Variants in PRSS3 observed in about 807,000 individuals in gnomAD.
PRSS3 encodes the protein trypsin-3.
PRSS3 carries 14 observed loss-of-function variants against 20.8 expected under a neutral mutation model. That is an observed-to-expected ratio of 0.67 (90% CI 0.44 to 1.05). PRSS3 has a LOEUF of 1.05. PRSS3 is among the 50% of genes least tolerant of loss of function. The pLI, the probability that PRSS3 is intolerant of heterozygous loss-of-function variation, is 0.00. For synonymous variants in PRSS3, 91 were observed against 117.6 expected, an observed-to-expected ratio of 0.77 and a Z score of 1.46; for missense variants, 237 against 306.4, an observed-to-expected ratio of 0.77 and a Z score of 1.69.
At chr9:33,761,997 A>G (rs774280603) in intron 1 of PRSS3, 1 of 152,220 alleles carries the variant, frequency 6.6e-6, no homozygotes, top group Non-Finnish European at 1.5e-5. Context: ...CTACTAGATT[A>G]TAAACTCCTT....
chr9:33,754,325 C>T (rs767281303), intron 1 of PRSS3, among the ~76,000 whole-genome samples: 3 of 151,840 alleles, frequency 2.0e-5, no homozygotes, highest in Non-Finnish European at 4.4e-5. Flanking sequence ...CCCCCTCGGC[C>T]TCCCAAAGTG....
At chr9:33,795,788 T>G (rs855579) in intron 1 of PRSS3, among the ~76,000 whole-genome samples, 175 bp downstream of exon 1, 23,251 of 151,766 alleles carry the variant, frequency 0.15, 708 homozygotes, top group South Asian at 0.3. Context: ...TGTTTCACCT[T>G]TTCCCTCATT....
chr9:33,774,414 G>C (rs1002687456), intron 1 of PRSS3, among the ~76,000 whole-genome samples: 11 of 152,158 alleles, frequency 7.2e-5, no homozygotes, highest in African/African-American at 2.4e-4. Flanking sequence ...AATTTTAGAC[G>C]AGGTGAAAGG....
chr9:33,778,627 T>C (rs1368319625), intron 1 of PRSS3, among the ~76,000 whole-genome samples: 1 of 152,150 alleles, frequency 6.6e-6, no homozygotes, highest in Admixed American at 6.5e-5. Flanking sequence ...ATGCAAGACT[T>C]GTATACAGAA....
intron 1 of PRSS3, among the ~76,000 whole-genome samples, chr9:33,770,773 ATTGT>A (rs1823650925): frequency 6.6e-6 from 1 of 152,232 alleles, no homozygotes; most frequent in East Asian, 1.9e-4. Context: ...AATGTAAATG[ATTGT>A]TTAATCTGCC....
intron 1 of PRSS3, among the ~76,000 whole-genome samples, chr9:33,762,858 G>A (rs745938579): frequency 4.6e-5 from 7 of 152,098 alleles, no homozygotes; most frequent in Admixed American, 2.0e-4. Context: ...CTATTATTGC[G>A]GGAATAGTGT....
At position 33,798,628 on chromosome 9, in the gene PRSS3, T is replaced by A. The variant is rs755624548; in HGVS notation, c.591+6T>A. 4 of 1,613,706 alleles carry A rather than the reference T, an allele frequency of 2.5e-6. No homozygotes were observed. In the East Asian group the frequency reaches 6.7e-5, roughly 27 times the overall value. On this transcript the variant is annotated splice_donor_region_variant and intron_variant, in intron 4 of 4. Transcript: ENST00000379405. ...GAGGCAAGGATTCCTGCCAGGTGAT[T>A]TGACCCTTTCCCATGCTGAGGCTCC...
chr9:33,766,471 G>A (rs1394903798), intron 1 of PRSS3, among the ~76,000 whole-genome samples: 1 of 152,090 alleles, frequency 6.6e-6, no homozygotes, highest in African/African-American at 2.4e-5. Flanking sequence ...TACTCGGGAG[G>A]CTGAGGCAGG....
At chr9:33,755,137 AG>A (rs1262866490) in intron 1 of PRSS3, among the ~76,000 whole-genome samples, 1 of 152,196 alleles carries the variant, frequency 6.6e-6, no homozygotes, top group Non-Finnish European at 1.5e-5. Flanking sequence ...AGGTCATCTG[AG>A]GGCAGGTGGT....
chr9:33,762,828 G>A (rs1011845127), intron 1 of PRSS3, among the ~76,000 whole-genome samples: 1 of 152,184 alleles, frequency 6.6e-6, no homozygotes, highest in African/African-American at 2.4e-5. Flanking sequence ...TCTTCCAGGA[G>A]AGAAGCCCAA....
At chr9:33,755,721 G>A (rs1368787135) in intron 1 of PRSS3, among the ~76,000 whole-genome samples, 1 of 152,084 alleles carries the variant, frequency 6.6e-6, no homozygotes, top group African/African-American at 2.4e-5. Flanking sequence ...TTCTTTAGTT[G>A]TTTGTTTGAG....
intron 1 of PRSS3, among the ~76,000 whole-genome samples, chr9:33,787,429 T>A (rs746424668): frequency 2.6e-5 from 4 of 152,204 alleles, no homozygotes; most frequent in Non-Finnish European, 5.9e-5. Context: ...GTTTGGGGCA[T>A]GTTGAAATAT....
chr9:33,772,529 CA>C (rs1477910174), intron 1 of PRSS3, among the ~76,000 whole-genome samples: 1 of 152,150 alleles, frequency 6.6e-6, no homozygotes, highest in Non-Finnish European at 1.5e-5. Flanking sequence ...TTTAATGATA[CA>C]AAGAATTTTA....
At chr9:33,756,020 TAC>T (rs1822928446) in intron 1 of PRSS3, among the ~76,000 whole-genome samples, 1 of 152,338 alleles carries the variant, frequency 6.6e-6, no homozygotes, top group South Asian at 2.1e-4. Context: ...CCCAATTATG[TAC>T]AGTTTTTGTA....
intron 1 of PRSS3, among the ~76,000 whole-genome samples, chr9:33,789,595 G>C (rs1370576723): frequency 1.3e-5 from 2 of 152,042 alleles, no homozygotes; most frequent in East Asian, 3.9e-4. Flanking sequence ...AGGTGTCATG[G>C]GCCTTCTCCA....
Position 33,750,781 on chromosome 9 carries a change from G to A in PRSS3, c.-53+54G>A, listed in dbSNP as rs1822652143. On this transcript the variant is annotated intron_variant, in intron 1 of 5. Coordinates refer to the PRSS3 transcript ENST00000342836. This position sits in a 1 kb window ranked among gnomAD's most constrained non-coding sequence, Gnocchi z 4.8. Reference sequence around the variant, plus strand: ...GAAACTGGAGGAGGGCTCGAAGGGAGAGGGAGCCCCGCCAAGGAGCGGGGC... The same window carrying A: ...GAAACTGGAGGAGGGCTCGAAGGGAAAGGGAGCCCCGCCAAGGAGCGGGGC... 7.1e-7 allele frequency: 1 copy of A among 1,414,910 alleles called. No homozygotes were observed. Among genetic ancestry groups the A allele is most frequent in the South Asian group, 1.5e-5 (1 of 66,356 alleles). The allele number at this position is 1,414,910 out of a possible 1,614,324, so 87.6% of individuals were successfully genotyped here. A position where few individuals can be genotyped will look rare whatever the true frequency, so the allele number is the denominator to read the frequency against.
At chr9:33,798,267 G>C in intron 3 of PRSS3, 185 bp downstream of exon 3, 4 of 1,238,838 alleles carry the variant, frequency 3.2e-6, no homozygotes, top group Non-Finnish European at 4.5e-6. Context: ...CTAAAATCAA[G>C]AGATAGGACA....
intron 1 of PRSS3, chr9:33,786,721 T>C (rs1256928644): frequency 3.9e-6 from 3 of 766,184 alleles, no homozygotes; most frequent in African/African-American, 1.7e-5. Flanking sequence ...AGAGCAGATT[T>C]GTCATTGACA....
chr9:33,776,099 A>T (rs1347787204), intron 1 of PRSS3, among the ~76,000 whole-genome samples: 1 of 152,252 alleles, frequency 6.6e-6, no homozygotes, highest in Non-Finnish European at 1.5e-5. Context: ...TACAAACTAT[A>T]AAAAGAATTA....
Sources: allele counts gnomAD v4.1 joint callset (sites outside exome capture counted in the v4.1 genomes callset), GRCh38; gene constraint gnomAD v4.1.1; non-coding constraint Gnocchi (gnomAD v3.1); transcripts MANE v1.5; gene names NCBI Gene and HGNC (gene_info 2026-07-23, HGNC 2026-07-21).